The following SLCO1B3 variants were observed in gnomAD, a reference collection of about 807,000 sequenced individuals.
The protein encoded by SLCO1B3 is liver-specific organic anion transporter 2.
SLCO1B3 carries 72 observed loss-of-function variants against 71.8 expected under a neutral mutation model. The observed-to-expected ratio is 1.00, with a 90% CI of 0.83 to 1.22. The LOEUF (loss-of-function observed/expected upper bound fraction) is 1.22, where lower values mean the gene tolerates loss of function less well. Ranked by LOEUF, SLCO1B3 falls within the 50% of genes most tolerant of loss-of-function variation. The probability of loss-of-function intolerance (pLI) is 0.00; values close to 1 mark genes in which losing one functional copy is unlikely to be tolerated. For missense variants in SLCO1B3, 911 were observed against 819.7 expected (o/e 1.11, Z -1.36); for synonymous variants, 298 against 278.4 (o/e 1.07, Z -0.70).
intron 15 of SLCO1B3, among the ~76,000 whole-genome samples, chr12:20,906,611 T>G (rs1866251347): frequency 6.6e-6 from 1 of 152,128 alleles, no homozygotes; most frequent in African/African-American, 2.4e-5. Flanking sequence ...CCATACAGTT[T>G]TCTGGTAAAA....
Position 20,880,840 on chromosome 12 carries a change from A to G in SLCO1B3, c.1332-15A>G, listed in dbSNP as rs201114863. On this transcript the variant is annotated splice_polypyrimidine_tract_variant and intron_variant, in intron 11 of 15. Transcript: ENST00000381545. ...CTTTCTCTTTTTTTGATATATTTCT[A>G]TCATATATTTTCAGAAATAATTCAG... 2.2e-4 allele frequency: 343 copies of G among 1,532,952 alleles called. No homozygotes were observed. The highest frequency in any genetic ancestry group is 3.5e-4 in the Middle Eastern group (2 of 5,758). The allele number at this position is 1,532,952 out of a possible 1,614,324, so 95.0% of individuals were successfully genotyped here. A position where few individuals can be genotyped will look rare whatever the true frequency, so the allele number is the denominator to read the frequency against.
chr12:20,819,544 T>C (rs1056314923), intron 3 of SLCO1B3, among the ~76,000 whole-genome samples: 8 of 151,984 alleles, frequency 5.3e-5, no homozygotes. Flanking sequence ...TTGAGGATAG[T>C]AGAGTATATG....
chr12:20,816,394 C>T (rs1031299387), intron 3 of SLCO1B3, among the ~76,000 whole-genome samples: 11 of 152,150 alleles, frequency 7.2e-5, no homozygotes, highest in Non-Finnish European at 1.6e-4. Flanking sequence ...CTTCTACTCA[C>T]TGTGTCCATG....
intron 3 of SLCO1B3, among the ~76,000 whole-genome samples, chr12:20,833,506 A>T (rs1421757406): frequency 6.7e-6 from 1 of 148,888 alleles, no homozygotes; most frequent in Non-Finnish European, 1.5e-5. Context: ...ACATATGTTT[A>T]CTATGTATGT....
At chr12:20,843,596 T>C (rs1443838240) in intron 3 of SLCO1B3, among the ~76,000 whole-genome samples, 2 of 151,994 alleles carry the variant, frequency 1.3e-5, no homozygotes, top group African/African-American at 4.8e-5. Context: ...CTGGCTAACA[T>C]GGTGAAACCC....
At chr12:20,874,165 C>T (rs577601152) in intron 8 of SLCO1B3, among the ~76,000 whole-genome samples, 1 of 152,242 alleles carries the variant, frequency 6.6e-6, no homozygotes, top group South Asian at 2.1e-4. Flanking sequence ...GGTTCTAGAT[C>T]CTTGAGGAAT....
chr12:20,855,658 CTT>C (rs35056493), intron 4 of SLCO1B3, among the ~76,000 whole-genome samples: 212 of 143,426 alleles, frequency 1.5e-3, no homozygotes, highest in Non-Finnish European at 2.1e-3. Context: ...GGTTTAAAGT[CTT>C]TTTTTTTTTT....
chr12:20,903,557 A>G (rs766147956), intron 15 of SLCO1B3, among the ~76,000 whole-genome samples: 2 of 152,148 alleles, frequency 1.3e-5, no homozygotes, highest in East Asian at 1.9e-4. Flanking sequence ...GAAGCAAGGC[A>G]TGTCTTCTCC....
intron 3 of SLCO1B3, among the ~76,000 whole-genome samples, chr12:20,821,118 G>A (rs1484454890): frequency 6.6e-5 from 10 of 152,174 alleles, no homozygotes; most frequent in Admixed American, 4.6e-4. Flanking sequence ...CTTGGGGTTG[G>A]GCCTGAGGGG....
intron 3 of SLCO1B3, among the ~76,000 whole-genome samples, chr12:20,834,670 G>C (rs1213377596): frequency 6.6e-6 from 1 of 151,968 alleles, no homozygotes; most frequent in Non-Finnish European, 1.5e-5. Flanking sequence ...TGATGCAAGA[G>C]GTGGGTCCCT....
Position 20,821,040 on chromosome 12 carries a change from C to T in SLCO1B3, c.84+5218C>T, listed in dbSNP as rs370072945. Among the ~76,000 whole-genome samples, 171 of 152,018 alleles carry T rather than the reference C, an allele frequency of 1.1e-3. 4 individuals carry two copies. In the South Asian group the frequency reaches 0.033, roughly 29 times the overall value. ...GCTGAGGAAGAATTGGGAACTAGCT[C>T]GGCCTGGCGAGGAGGGGAGAGGTCA... On this transcript the variant is annotated intron_variant, in intron 3 of 15. Transcript: ENST00000381545.
intron 2 of SLCO1B3, among the ~76,000 whole-genome samples, chr12:20,814,061 T>G (rs10841654): frequency 0.1 from 15,742 of 152,186 alleles, 1,051 homozygotes; most frequent in Middle Eastern, 0.17. Flanking sequence ...CTACATAGCA[T>G]GTATCCACAT....
intron 13 of SLCO1B3, among the ~76,000 whole-genome samples, chr12:20,884,961 G>A (rs7299670): frequency 0.72 from 110,050 of 151,860 alleles, 42,445 homozygotes; most frequent in South Asian, 0.9. Flanking sequence ...GAAGCCTTCT[G>A]TATTTCCAAA....
intron 3 of SLCO1B3, among the ~76,000 whole-genome samples, chr12:20,824,537 C>A (rs1051348749): frequency 6.6e-6 from 1 of 152,148 alleles, no homozygotes; most frequent in Non-Finnish European, 1.5e-5. Flanking sequence ...GTTAAAGACA[C>A]CATTGACAAG....
At chr12:20,888,915 A>G (rs1447609760) in intron 13 of SLCO1B3, among the ~76,000 whole-genome samples, 1 of 152,076 alleles carries the variant, frequency 6.6e-6, no homozygotes, top group East Asian at 1.9e-4. Flanking sequence ...GCTGGATTTT[A>G]TCAAATGTTT....
At chr12:20,827,219 T>C (rs994888216) in intron 3 of SLCO1B3, among the ~76,000 whole-genome samples, 2 of 152,180 alleles carry the variant, frequency 1.3e-5, no homozygotes, top group African/African-American at 4.8e-5. Flanking sequence ...GGGATAAATA[T>C]TAAACTGCTT....
intron 3 of SLCO1B3, among the ~76,000 whole-genome samples, chr12:20,830,903 A>T (rs562315326): frequency 5.1e-4 from 77 of 152,338 alleles, no homozygotes; most frequent in Non-Finnish European, 9.4e-4. Context: ...TTACTTTTAA[A>T]TACTGAGTGT....
intron 5 of SLCO1B3, among the ~76,000 whole-genome samples, chr12:20,860,112 C>A (rs527631061): frequency 6.6e-6 from 1 of 151,908 alleles, no homozygotes; most frequent in African/African-American, 2.4e-5. Flanking sequence ...CCTGCCACCA[C>A]GCCCGGCTAA....
intron 13 of SLCO1B3, among the ~76,000 whole-genome samples, chr12:20,896,840 A>G (rs779196998): frequency 1.3e-5 from 2 of 152,180 alleles, no homozygotes; most frequent in Non-Finnish European, 2.9e-5. Flanking sequence ...GAGGTTTAAT[A>G]TGACTTATAG....
Sources: gnomAD v4.1 joint callset for allele counts (sites outside exome capture counted in the v4.1 genomes callset) on GRCh38, gnomAD v4.1.1 for gene constraint, MANE v1.5 for transcripts, NCBI Gene and HGNC (gene_info 2026-07-23, HGNC 2026-07-21) for gene names.